The following PCNX1 variants were observed in gnomAD, a reference collection of about 807,000 sequenced individuals.
PCNX1 encodes pecanex-like protein 1.
In PCNX1, 78 loss-of-function variants were observed where a neutral mutation model predicts 242.2. The ratio of observed to expected loss-of-function variants is 0.32; its 90% confidence interval spans 0.27 to 0.39. The LOEUF (loss-of-function observed/expected upper bound fraction) is 0.39, where lower values mean the gene tolerates loss of function less well. Among genes scored for constraint, PCNX1 ranks in the 10% least tolerant of loss-of-function variants. The pLI is 1.00. For synonymous variants in PCNX1, 1,024 were observed against 1,032.9 expected (o/e 0.99, Z 0.17); for missense variants, 2,581 against 2,856.5 (o/e 0.90, Z 2.20).
chr14:71,041,116 T>C (rs1294964190), intron 19 of PCNX1, among the ~76,000 whole-genome samples: 3 of 152,212 alleles, frequency 2.0e-5, no homozygotes, highest in East Asian at 3.8e-4. Flanking sequence ...TTGGCTAATA[T>C]GAACAGTGCT....
intron 1 of PCNX1, among the ~76,000 whole-genome samples, chr14:70,928,480 C>A (rs1326570154): frequency 6.6e-6 from 1 of 152,122 alleles, no homozygotes; most frequent in Non-Finnish European, 1.5e-5. Flanking sequence ...TTTAGAAATT[C>A]AGTGTTTATC....
chr14:71,088,634 T>C (rs908601336), intron 29 of PCNX1, among the ~76,000 whole-genome samples: 1 of 152,222 alleles, frequency 6.6e-6, no homozygotes, highest in East Asian at 1.9e-4. Flanking sequence ...TTCACACGTG[T>C]GGGTAGCCAC....
intron 28 of PCNX1, among the ~76,000 whole-genome samples, chr14:71,087,161 C>G (rs1252312707): frequency 1.3e-5 from 2 of 152,156 alleles, no homozygotes. Flanking sequence ...TACACCCACT[C>G]TCTTTTATTT....
intron 2 of PCNX1, among the ~76,000 whole-genome samples, chr14:70,952,428 G>C (rs2057821205): frequency 6.6e-6 from 1 of 151,926 alleles, no homozygotes. Context: ...TTCCCTTCAG[G>C]AGTAACCATA....
At chr14:70,966,206 A>T (rs2058373471) in intron 3 of PCNX1, among the ~76,000 whole-genome samples, 1 of 152,194 alleles carries the variant, frequency 6.6e-6, no homozygotes, top group African/African-American at 2.4e-5. Flanking sequence ...AAGTATGAAG[A>T]ATAAAATATA....
At chr14:71,006,024 G>A (rs1024615102) in intron 8 of PCNX1, among the ~76,000 whole-genome samples, 4 of 150,728 alleles carry the variant, frequency 2.7e-5, no homozygotes, top group African/African-American at 9.8e-5. Flanking sequence ...CTAGGCTTAA[G>A]TGATCCTCCT....
chr14:71,108,057 C>T (rs888602419), intron 33 of PCNX1, among the ~76,000 whole-genome samples: 10 of 152,148 alleles, frequency 6.6e-5, no homozygotes, highest in African/African-American at 2.4e-4. Flanking sequence ...GAGCTTGTTC[C>T]TCTTGACTCA....
chr14:71,029,530 G>A (rs1197517487), intron 16 of PCNX1, among the ~76,000 whole-genome samples: 1 of 152,192 alleles, frequency 6.6e-6, no homozygotes, highest in African/African-American at 2.4e-5. Flanking sequence ...TTGTAGATTA[G>A]CTATGATTAA....
intron 25 of PCNX1, among the ~76,000 whole-genome samples, chr14:71,056,145 A>G (rs1481495070): frequency 2.0e-5 from 3 of 152,230 alleles, no homozygotes; most frequent in Non-Finnish European, 4.4e-5. Flanking sequence ...AGAGATTAGC[A>G]TATCATCCAG....
intron 4 of PCNX1, 54 bp from the exon 5 acceptor site, chr14:70,968,967 C>T (rs2058460678): frequency 1.0e-6 from 1 of 995,984 alleles, no homozygotes. Flanking sequence ...GTTATGCCAC[C>T]CTACAGCCTT....
intron 8 of PCNX1, among the ~76,000 whole-genome samples, chr14:70,997,519 C>T (rs2140356019): frequency 6.6e-6 from 1 of 152,256 alleles, no homozygotes; most frequent in South Asian, 2.1e-4. Context: ...TATGAACTGC[C>T]TTTCCAGTTC....
At chr14:70,962,960 T>A (rs187041200) in intron 3 of PCNX1, among the ~76,000 whole-genome samples, 3 of 152,216 alleles carry the variant, frequency 2.0e-5, no homozygotes, top group African/African-American at 7.2e-5. Flanking sequence ...ATGAACTTTG[T>A]TGGAAACGTT....
chr14:70,936,720 A>G (rs1055245074), intron 1 of PCNX1, among the ~76,000 whole-genome samples: 3 of 152,206 alleles, frequency 2.0e-5, no homozygotes, highest in African/African-American at 7.2e-5. Context: ...GTCTTCCACA[A>G]TGGTTGAACT....
intron 6 of PCNX1, among the ~76,000 whole-genome samples, chr14:70,983,669 A>C (rs556690882): frequency 1.3e-5 from 2 of 151,656 alleles, no homozygotes; most frequent in East Asian, 3.9e-4. Flanking sequence ...CCAGTCCTTT[A>C]AAATGTTTTC....
intron 16 of PCNX1, 45 bp downstream of exon 16, chr14:71,028,836 C>A: frequency 8.6e-7 from 1 of 1,158,132 alleles, no homozygotes; most frequent in Non-Finnish European, 1.3e-6. Flanking sequence ...GGCTATATTT[C>A]TATATGAAGG....
chr14:71,086,288 A>G (rs182190012), intron 28 of PCNX1, among the ~76,000 whole-genome samples: 38 of 152,296 alleles, frequency 2.5e-4, no homozygotes, highest in African/African-American at 7.7e-4. Flanking sequence ...CCTAACATCA[A>G]TGTCAGTTGT....
Position 71,021,047 on chromosome 14 carries a change from G to A in PCNX1, c.3150+1885G>A, listed in dbSNP as rs575058231. 2.0e-4 allele frequency among the ~76,000 whole-genome samples: 31 copies of A among 152,196 alleles called. No homozygotes were observed. In the East Asian group the frequency reaches 5.4e-3, roughly 26 times the overall value. On this transcript the variant is annotated intron_variant, in intron 12 of 35. Transcript: ENST00000304743. ...TTTCCCCATTGCTTGTTTTTGTCAGGTTTGTCAAAGATCAGGTGGTTGTAG... is the reference window on the plus strand; with the variant it reads ...TTTCCCCATTGCTTGTTTTTGTCAGATTTGTCAAAGATCAGGTGGTTGTAG...
At position 70,907,650 on chromosome 14, in the gene PCNX1, T is replaced by A; in HGVS notation, c.-201T>A. On this transcript the variant is annotated 5_prime_UTR_variant, in exon 1 of 36. Coordinates refer to ENST00000304743, the MANE Select transcript of PCNX1 (RefSeq NM_014982.3). ...CGCCCCGCCGCTCGCCGCCTCCTCCTCTCGGGTCTCCTCCTCCTCGTTTGC... is the reference window on the plus strand; with the variant it reads ...CGCCCCGCCGCTCGCCGCCTCCTCCACTCGGGTCTCCTCCTCCTCGTTTGC... 3 of 411,932 alleles carry A rather than the reference T, an allele frequency of 7.3e-6. No individual in the cohort carries two copies. Among genetic ancestry groups the A allele is most frequent in the Middle Eastern group, 9.2e-4 (1 of 1,090 alleles). The allele number at this position is 411,932 out of a possible 1,614,324, so 25.5% of individuals were successfully genotyped here.
chr14:70,925,015 A>G (rs1000466888), intron 1 of PCNX1, among the ~76,000 whole-genome samples: 2 of 151,662 alleles, frequency 1.3e-5, no homozygotes, highest in African/African-American at 4.9e-5. Context: ...TTGAGACAGA[A>G]TCTCACTCTG....
Sources: gnomAD v4.1 joint callset for allele counts (sites outside exome capture counted in the v4.1 genomes callset) on GRCh38, gnomAD v4.1.1 for gene constraint, MANE v1.5 for transcripts, NCBI Gene and HGNC (gene_info 2026-07-23, HGNC 2026-07-21) for gene names.